The following ERCC8 variants were observed in gnomAD, a reference collection of about 807,000 sequenced individuals.
ERCC8 encodes the protein ERCC excision repair 8, CSA ubiquitin ligase complex subunit, also known as DNA excision repair protein ERCC-8.
In ERCC8, 52 loss-of-function variants were observed where a neutral mutation model predicts 54.9. That is an observed-to-expected ratio of 0.95 (90% CI 0.76 to 1.19). ERCC8 has a LOEUF of 1.19. Among genes scored for constraint, ERCC8 ranks in the 50% most tolerant of loss-of-function variants. ERCC8 has a pLI of 0.00. For synonymous variants in ERCC8, 146 were observed against 157.2 expected (o/e 0.93, Z 0.53); for missense variants, 514 against 466.1 (o/e 1.10, Z -0.95).
At chr5:60,878,401 G>A (rs1247270228) in intron 11 of ERCC8, among the ~76,000 whole-genome samples, 4 of 152,144 alleles carry the variant, frequency 2.6e-5, no homozygotes, top group African/African-American at 9.7e-5. Flanking sequence ...GAGTTAGGGA[G>A]GATTCCCTCT....
intron 10 of ERCC8, among the ~76,000 whole-genome samples, chr5:60,887,769 A>T (rs1383844839): frequency 6.6e-6 from 1 of 152,190 alleles, no homozygotes; most frequent in Non-Finnish European, 1.5e-5. Context: ...ACACACCCCA[A>T]ATCCTAGCAG....
Position 60,873,065 on chromosome 5 carries a change from G to A in ERCC8, c.*1550C>T, listed in dbSNP as rs1747897223. 6.6e-6 allele frequency among the ~76,000 whole-genome samples: 1 copy of A among 152,144 alleles called. No individual in the cohort carries two copies. Among genetic ancestry groups the A allele is most frequent in the African/African-American group, 2.4e-5 (1 of 41,438 alleles). ...AGGATACAAAATTTCAGTTAAAAAG[G>A]GGGAATTAGTGCAAGAGACCTATTG... On this transcript the variant is annotated 3_prime_UTR_variant, in exon 12 of 12. Coordinates refer to ENST00000676185, the MANE Select transcript of ERCC8 (RefSeq NM_000082.4).
At chr5:60,935,739 A>T (rs1750044075) in intron 1 of ERCC8, among the ~76,000 whole-genome samples, 1 of 152,086 alleles carries the variant, frequency 6.6e-6, no homozygotes, top group African/African-American at 2.4e-5. Context: ...TGAGGGTTTT[A>T]ATCATAATGG....
At chr5:60,876,907 G>T (rs1183102835) in intron 11 of ERCC8, among the ~76,000 whole-genome samples, 1 of 152,060 alleles carries the variant, frequency 6.6e-6, no homozygotes, top group African/African-American at 2.4e-5. Flanking sequence ...TGTCAATTTT[G>T]GCTTTTGTTG....
chr5:60,924,051 T>A lies in ERCC8; in HGVS notation c.174-1896A>T, dbSNP rs575652963. Among the ~76,000 whole-genome samples, 141 of 152,282 alleles carry A rather than the reference T, an allele frequency of 9.3e-4. 1 individual carries two copies. The highest frequency in any genetic ancestry group is 3.2e-3 in the African/African-American group (132 of 41,588). On this transcript the variant is annotated intron_variant, in intron 2 of 11. Transcript: ENST00000676185. Reference sequence around the variant, plus strand: ...TTAAGCTATAGGTCTCCTCTACCTTTCTTCCTCCCTCCTGTACTTTTCCCC... The same window carrying A: ...TTAAGCTATAGGTCTCCTCTACCTTACTTCCTCCCTCCTGTACTTTTCCCC...
intron 9 of ERCC8, chr5:60,892,737 GGCCCTGGAACAAT>G: frequency 1.4e-6 from 1 of 697,264 alleles, no homozygotes. Flanking sequence ...CTCTGAGCTG[GGCCCTGGAACAAT>G]GGCTGGAGCA....
In ERCC8 at chr5:60,868,441, A is replaced by G. The variant is rs975282828; in HGVS notation, c.*6174T>C. Among the ~76,000 whole-genome samples, 5 of 152,218 alleles carry G rather than the reference A, an allele frequency of 3.3e-5. No individual in the cohort carries two copies. The highest frequency in any genetic ancestry group is 1.2e-4 in the African/African-American group (5 of 41,460). ...ACATTGGGCACCTGAAAAGTCCTAC[A>G]CACAGAGAACTAAGAGAGGTCGCAA... On this transcript the variant is annotated 3_prime_UTR_variant, in exon 12 of 12. Coordinates refer to ENST00000676185, the MANE Select transcript of ERCC8 (RefSeq NM_000082.4).
chr5:60,877,779 A>G (rs892262264), intron 11 of ERCC8, among the ~76,000 whole-genome samples: 2 of 152,284 alleles, frequency 1.3e-5, no homozygotes, highest in South Asian at 2.1e-4. Flanking sequence ...GGGCTGAGAC[A>G]ATGGGGTTTT....
rs56263748 is a variant in ERCC8 at position 60,898,252 on chromosome 5, A to C, written c.843+24T>G. ...AGATCCATTTCTTAATTTATACCCA[A>C]ATATATACTTAAAAATCTCTTACAA... On this transcript the variant is annotated intron_variant, in intron 9 of 11. Coordinates refer to ENST00000676185, the MANE Select transcript of ERCC8 (RefSeq NM_000082.4). The C allele has an allele frequency of 4.9e-5, 79 of 1,609,840 alleles. No individual in the cohort carries two copies. The African/African-American group carries it at 9.6e-4, about 20-fold the overall frequency.
At position 60,868,663 on chromosome 5, in the gene ERCC8, A is replaced by T. The variant is rs12656993; in HGVS notation, c.*5952T>A. Among the ~76,000 whole-genome samples, 55 of 152,352 alleles carry T rather than the reference A, an allele frequency of 3.6e-4. No individual in the cohort carries two copies. The East Asian group carries it at 0.01, about 29-fold the overall frequency. ...CTAGCAAGATAGAAAAATTTGTATTATAATAAATGATTTGTAATAATTCTA... is the reference window on the plus strand; with the variant it reads ...CTAGCAAGATAGAAAAATTTGTATTTTAATAAATGATTTGTAATAATTCTA... On this transcript the variant is annotated 3_prime_UTR_variant, in exon 12 of 12. Transcript: ENST00000676185.
intron 1 of ERCC8, among the ~76,000 whole-genome samples, chr5:60,934,417 T>G (rs898813826): frequency 6.6e-6 from 1 of 152,210 alleles, no homozygotes; most frequent in Non-Finnish European, 1.5e-5. Flanking sequence ...AGCCCACTTT[T>G]TGTTGGGATT....
intron 11 of ERCC8, among the ~76,000 whole-genome samples, chr5:60,879,809 C>T (rs1490049878): frequency 6.6e-6 from 1 of 152,206 alleles, no homozygotes; most frequent in Admixed American, 6.5e-5. Context: ...TGGGTCTTGA[C>T]TCTTTATCCA....
At chr5:60,875,041 T>C (rs1172990296) in intron 11 of ERCC8, among the ~76,000 whole-genome samples, 5 of 152,224 alleles carry the variant, frequency 3.3e-5, no homozygotes, top group South Asian at 4.1e-4. Context: ...CTGATATCCA[T>C]AGGCTAAGAC....
rs1405831034 is a variant in ERCC8, at chr5:60,873,406, G to A, written c.*1209C>T. Among the ~76,000 whole-genome samples, 2 of 152,176 alleles carry A rather than the reference G, an allele frequency of 1.3e-5. No homozygotes were observed. Among genetic ancestry groups the A allele is most frequent in the African/African-American group, 2.4e-5 (1 of 41,446 alleles). On this transcript the variant is annotated 3_prime_UTR_variant, in exon 12 of 12. Coordinates refer to ENST00000676185, the MANE Select transcript of ERCC8 (RefSeq NM_000082.4). ...AACTCAACAACTGGCTGGGTGCAGT[G>A]GCTCAAGCTTATAATTCCAGCACTT... is the stretch of plus-strand genomic sequence containing the variant.
rs1748928093 is a variant in ERCC8, at chr5:60,902,430, G to C, written c.617+12C>G. ...AATTACTAACTTCAAAAGCAAATAAGTTAAATTTTACCTTGCTGTTGCCAA... is the reference window on the plus strand; with the variant it reads ...AATTACTAACTTCAAAAGCAAATAACTTAAATTTTACCTTGCTGTTGCCAA... On this transcript the variant is annotated intron_variant, in intron 7 of 11. Transcript: ENST00000676185. 1.2e-6 allele frequency: 2 copies of C among 1,600,200 alleles called. No homozygotes were observed. Among genetic ancestry groups the C allele is most frequent in the Non-Finnish European group, 8.6e-7 (1 of 1,168,088 alleles).
At chr5:60,902,340 T>A in intron 7 of ERCC8, 102 bp downstream of exon 7, 1 of 860,806 alleles carries the variant, frequency 1.2e-6, no homozygotes, top group Non-Finnish European at 1.8e-6. Context: ...AGGAGTGAAT[T>A]AATAATTAAA....
intron 1 of ERCC8, among the ~76,000 whole-genome samples, chr5:60,941,937 T>C (rs893774078): frequency 3.3e-5 from 5 of 152,138 alleles, no homozygotes; most frequent in African/African-American, 9.7e-5. Context: ...GTATATAATG[T>C]ATGTAAATAT....
chr5:60,912,865 A>T (rs188509939), intron 4 of ERCC8, among the ~76,000 whole-genome samples: 2 of 152,072 alleles, frequency 1.3e-5, no homozygotes, highest in East Asian at 3.9e-4. Context: ...GGTTTTTGTC[A>T]TTGGTTCTGT....
intron 4 of ERCC8, among the ~76,000 whole-genome samples, chr5:60,906,652 C>G (rs962173574): frequency 7.2e-5 from 11 of 151,934 alleles, no homozygotes; most frequent in Non-Finnish European, 1.5e-4. Flanking sequence ...TCGCTTGAAC[C>G]CGGGAGGCAG....
Sources: allele counts gnomAD v4.1 joint callset (sites outside exome capture counted in the v4.1 genomes callset), GRCh38; gene constraint gnomAD v4.1.1; transcripts MANE v1.5; gene names NCBI Gene and HGNC (gene_info 2026-07-23, HGNC 2026-07-21).